Variants in COL2A1 observed in about 807,000 individuals in gnomAD.
COL2A1 encodes collagen alpha-1(II) chain.
In COL2A1, 28 loss-of-function variants were observed where a neutral mutation model predicts 204.5. The observed-to-expected ratio is 0.14, with a 90% confidence interval of 0.10 to 0.19. COL2A1 has a LOEUF of 0.19. COL2A1 is among the 10% of genes least tolerant of loss of function. The pLI, the probability that COL2A1 is intolerant of heterozygous loss-of-function variation, is 1.00. For missense variants in COL2A1, 1,388 were observed against 2,027.5 expected (o/e 0.68, Z 6.06); for synonymous variants, 708 against 718.7 (o/e 0.99, Z 0.24).
chr12:47,985,293 A>G (rs1163004594), intron 26 of COL2A1, among the ~76,000 whole-genome samples, 200 bp from the exon 27 acceptor site: 1 of 152,194 alleles, frequency 6.6e-6, no homozygotes, highest in Non-Finnish European at 1.5e-5. Context: ...CAGAAAGTGC[A>G]CACACGATGT....
Position 47,976,406 on chromosome 12 carries a change from C to G in COL2A1, c.3489+108G>C. On this transcript the variant is annotated intron_variant, in intron 49 of 53. Transcript: ENST00000380518. The surrounding 1 kb of genome is among the most constrained non-coding windows in gnomAD (Gnocchi z 4.3). ...CCTGCCCCCATTACTGAGTGAGGACCCCTGAGCCCACAGCTTCCCCAGAAG... is the reference window on the plus strand; with the variant it reads ...CCTGCCCCCATTACTGAGTGAGGACGCCTGAGCCCACAGCTTCCCCAGAAG... 1 of 1,295,626 alleles carries G rather than the reference C, an allele frequency of 7.7e-7. No individual in the cohort carries two copies. The allele number at this position is 1,295,626 out of a possible 1,614,324, so 80.3% of individuals were successfully genotyped here. A position where few individuals can be genotyped will look rare whatever the true frequency, so the allele number is the denominator to read the frequency against.
rs1277524963 is a variant in COL2A1 at position 47,976,942 on chromosome 12, T to C, written c.3328-23A>G. On this transcript the variant is annotated intron_variant, in intron 47 of 53. Coordinates refer to ENST00000380518, the MANE Select transcript of COL2A1 (RefSeq NM_001844.5). The surrounding 1 kb of genome is among the most constrained non-coding windows in gnomAD (Gnocchi z 4.3). ...ACCCTGGGAACAAGACAGACACCGA[T>C]TGAGTCAGGTCAGGGCCAGGACAGG... is the stretch of plus-strand genomic sequence containing the variant. 5 of 1,581,372 alleles carry C rather than the reference T, an allele frequency of 3.2e-6. No individual in the cohort carries two copies. The highest frequency in any genetic ancestry group is 1.8e-5 in the Admixed American group (1 of 56,104).
intron 12 of COL2A1, 29 bp from the exon 13 acceptor site, chr12:47,994,076 C>T (rs756574983): frequency 5.6e-6 from 9 of 1,613,576 alleles, no homozygotes; most frequent in African/African-American, 1.3e-5. Flanking sequence ...GTGTTCAGAG[C>T]ACAGAGTAAA....
chr12:47,997,624 ACCAGGGGGGCCGGGAGGACCAGGGGGG>A lies in COL2A1; in HGVS notation c.486_512del (p.Pro166_Gly174del), dbSNP rs1940021613. 1 of 1,613,390 alleles carries A rather than the reference ACCAGGGGGGCCGGGAGGACCAGGGGGG, an allele frequency of 6.2e-7. No homozygotes were observed. The highest frequency in any genetic ancestry group is 1.3e-5 in the African/African-American group (1 of 74,814). On this transcript the variant is annotated inframe_deletion, in exon 7 of 54. Transcript: ENST00000380518. Reference sequence around the variant, plus strand: ...TACTTACTCCACCAAGACCAGGGGGACCAGGGGGGCCGGGAGGACCAGGGGGGCCAGGATTTCCAGGGGTCCCAGGTT... The same window carrying A: ...TACTTACTCCACCAAGACCAGGGGGACCAGGATTTCCAGGGGTCCCAGGTT...
At chr12:47,988,716 C>T (rs1467652616) in intron 18 of COL2A1, among the ~76,000 whole-genome samples, 2 of 152,258 alleles carry the variant, frequency 1.3e-5, no homozygotes, top group Non-Finnish European at 2.9e-5. Flanking sequence ...ACTGGCTGGC[C>T]TCCCACTGGC....
chr12:47,980,198 G>T lies in COL2A1; in HGVS notation c.2626-136C>A, dbSNP rs1169565642. The T allele has an allele frequency of 1.3e-6, 1 of 773,044 alleles. No individual in the cohort carries two copies. Among genetic ancestry groups the T allele is most frequent in the Non-Finnish European group, 2.2e-6 (1 of 450,632 alleles). The allele number at this position is 773,044 out of a possible 1,614,324, so 47.9% of individuals were successfully genotyped here. A position where few individuals can be genotyped will look rare whatever the true frequency, so the allele number is the denominator to read the frequency against. On this transcript the variant is annotated intron_variant, in intron 39 of 53. Coordinates refer to ENST00000380518, the MANE Select transcript of COL2A1 (RefSeq NM_001844.5). The surrounding 1 kb of genome is among the most constrained non-coding windows in gnomAD (Gnocchi z 4.5). The stretch of plus-strand genomic sequence containing the variant: ...GGCACTAAAAACCCAGCCTGAAGAG[G>T]CTGCCACAGGCAGCTCTGTCCCCTC...
rs1441969826 is a variant in COL2A1, at chr12:47,981,330, G to T, written c.2463+13C>A. On this transcript the variant is annotated intron_variant, in intron 37 of 53. Coordinates refer to ENST00000380518, the MANE Select transcript of COL2A1 (RefSeq NM_001844.5). ...CCTCGGGCAGAGCCAGGCTCAGAGGGGCAGACACTCACCGGAGCGCCACGA... is the reference window on the plus strand; with the variant it reads ...CCTCGGGCAGAGCCAGGCTCAGAGGTGCAGACACTCACCGGAGCGCCACGA... 3 of 1,612,114 alleles carry T rather than the reference G, an allele frequency of 1.9e-6. No individual in the cohort carries two copies. Among genetic ancestry groups the T allele is most frequent in the Non-Finnish European group, 1.7e-6 (2 of 1,179,662 alleles).
chr12:47,982,025 C>T, intron 35 of COL2A1, 82 bp downstream of exon 35: 5 of 1,451,018 alleles, frequency 3.4e-6, no homozygotes, highest in South Asian at 2.3e-5. Context: ...CAGTGGCAGA[C>T]TGCCCAGCCC....
At chr12:47,986,487 G>T (rs1196286080) in intron 22 of COL2A1, 44 bp from the exon 23 acceptor site, 4 of 1,276,282 alleles carry the variant, frequency 3.1e-6, no homozygotes, top group Non-Finnish European at 3.3e-6. Context: ...CCTTCACCTG[G>T]CCTTGGAGCA....
At chr12:47,996,700 T>G in intron 7 of COL2A1, 75 bp from the exon 8 acceptor site, 1 of 1,152,414 alleles carries the variant, frequency 8.7e-7, no homozygotes, top group South Asian at 1.2e-5. Flanking sequence ...AAGCTCTATA[T>G]GGATACAAAG....
At chr12:47,981,652 TCC>T in intron 36 of COL2A1, 122 bp downstream of exon 36, 1 of 1,160,978 alleles carries the variant, frequency 8.6e-7, no homozygotes, top group Admixed American at 2.5e-5. Flanking sequence ...CCCTCTTCAC[TCC>T]TACGGCCTTG....
intron 37 of COL2A1, 84 bp downstream of exon 37, chr12:47,981,259 A>G: frequency 1.4e-6 from 2 of 1,441,960 alleles, no homozygotes; most frequent in Non-Finnish European, 1.9e-6. Flanking sequence ...GCCACCAGGC[A>G]GCATGAGGGC....
Position 47,993,931 on chromosome 12 carries a change from C to G in COL2A1, c.870+63G>C, listed in dbSNP as rs533446299. On this transcript the variant is annotated intron_variant, in intron 13 of 53. Coordinates refer to ENST00000380518, the MANE Select transcript of COL2A1 (RefSeq NM_001844.5). ...CAAGTTGGAAGAAATGCACGCACCC[C>G]AAAGTGCTTTTCTCTCCCACCAGGC... 3.1e-6 allele frequency: 5 copies of G among 1,611,694 alleles called. No homozygotes were observed. The African/African-American group carries it at 6.7e-5, about 21-fold the overall frequency.
rs1220000830 is a variant in COL2A1 at position 47,993,407 on chromosome 12, G to A, written c.969+51C>T. On this transcript the variant is annotated intron_variant, in intron 15 of 53. Transcript: ENST00000380518. Reference sequence around the variant, plus strand: ...CAAAGGGAGCTCTTTGCAGCCATCTGATAGTCTGAAGAGTCTTTGATAAAC... The same window carrying A: ...CAAAGGGAGCTCTTTGCAGCCATCTAATAGTCTGAAGAGTCTTTGATAAAC... 5 of 1,345,668 alleles carry A rather than the reference G, an allele frequency of 3.7e-6. No individual in the cohort carries two copies. The Admixed American group carries it at 6.7e-5, about 18-fold the overall frequency. The allele number at this position is 1,345,668 out of a possible 1,614,324, so 83.4% of individuals were successfully genotyped here.
Position 47,997,643 on chromosome 12 carries a change from C to T in COL2A1, c.494G>A (p.Gly165Asp), listed in dbSNP as rs1940024014. The change falls in exon 7 of 54, where the codon GGT becomes GAT. Residue 165 changes from glycine to aspartate, a missense_variant. Coordinates refer to ENST00000380518, the MANE Select transcript of COL2A1 (RefSeq NM_001844.5). ...AGGGGGACCAGGGGGGCCGGGAGGA[C>T]CAGGGGGGCCAGGATTTCCAGGGGT... The part of the protein sequence containing the change: ...PGTPGNPGPP[G>D]PPGPPGPPGL... The T allele has an allele frequency of 6.2e-7, 1 of 1,613,714 alleles. No individual in the cohort carries two copies. The highest frequency in any genetic ancestry group is 8.5e-7 in the Non-Finnish European group (1 of 1,179,918).
rs769941617 is a variant in COL2A1 at position 48,004,227 on chromosome 12, G to C, written c.85+10C>G. The C allele has an allele frequency of 6.8e-4, 1,048 of 1,541,102 alleles. 3 individuals are homozygous for C. The highest frequency in any genetic ancestry group is 5.4e-4 in the Non-Finnish European group (613 of 1,138,082). On this transcript the variant is annotated intron_variant, in intron 1 of 53. Coordinates refer to ENST00000380518, the MANE Select transcript of COL2A1 (RefSeq NM_001844.5). ...AGCAGGCAGGCAGGCAGGGGCGGGG[G>C]AAGACTTACGGACATCCTGGCCCTG...
chr12:47,987,752 G>C lies in COL2A1; in HGVS notation c.1123-43C>G. The C allele has an allele frequency of 9.6e-6, 14 of 1,460,024 alleles. No homozygotes were observed. Among genetic ancestry groups the C allele is most frequent in the South Asian group, 1.2e-5 (1 of 84,802 alleles). The allele number at this position is 1,460,024 out of a possible 1,614,324, so 90.4% of individuals were successfully genotyped here. A position where few individuals can be genotyped will look rare whatever the true frequency, so the allele number is the denominator to read the frequency against. ...GGATGAAATGAAGAAGAAGAGAGGG[G>C]ACACAGACCTCTAGTGGGTGGGCAA... On this transcript the variant is annotated intron_variant, in intron 18 of 53. Coordinates refer to ENST00000380518, the MANE Select transcript of COL2A1 (RefSeq NM_001844.5). The surrounding 1 kb of genome is among the most constrained non-coding windows in gnomAD (Gnocchi z 4.1).
chr12:47,977,213 T>A, intron 46 of COL2A1, 58 bp from the exon 47 acceptor site: 1 of 1,598,678 alleles, frequency 6.3e-7, no homozygotes, highest in Non-Finnish European at 8.6e-7. Flanking sequence ...GGGCCTCCTC[T>A]GCATCTGAGG....
intron 51 of COL2A1, 77 bp from the exon 52 acceptor site, chr12:47,974,939 T>C (rs1565666409): frequency 1.4e-6 from 2 of 1,458,264 alleles, no homozygotes; most frequent in African/African-American, 2.8e-5. Flanking sequence ...CAGGCCTGAC[T>C]GAAAGAGACA....
Sources: allele counts gnomAD v4.1 joint callset (sites outside exome capture counted in the v4.1 genomes callset), GRCh38; gene constraint gnomAD v4.1.1; non-coding constraint Gnocchi (gnomAD v3.1); transcripts MANE v1.5; gene names NCBI Gene and HGNC (gene_info 2026-07-23, HGNC 2026-07-21).